Variants in MLIP observed in about 807,000 individuals in gnomAD.
The protein encoded by MLIP is muscular LMNA interacting protein, also known as muscular LMNA-interacting protein.
Under a neutral mutation model 84.8 loss-of-function variants are expected in MLIP, and 79 were observed. That is an observed-to-expected ratio of 0.93 (90% CI 0.78 to 1.12). The LOEUF is 1.12. MLIP is among the 50% of genes most tolerant of loss of function. MLIP has a pLI of 0.00. For synonymous variants in MLIP, 504 were observed against 463.0 expected (o/e 1.09, Z -1.14); for missense variants, 1,257 against 1,160.6 (o/e 1.08, Z -1.21).
At chr6:54,211,063 AC>A (rs1408415925) in intron 11 of MLIP, among the ~76,000 whole-genome samples, 2 of 151,944 alleles carry the variant, frequency 1.3e-5, no homozygotes, top group African/African-American at 2.4e-5. Context: ...ACATGGTGAA[AC>A]CCCATCTCTA....
At chr6:54,248,775 GT>G (rs1782257149) in intron 12 of MLIP, among the ~76,000 whole-genome samples, 1 of 152,006 alleles carries the variant, frequency 6.6e-6, no homozygotes, top group South Asian at 2.1e-4. Flanking sequence ...AAATTCCTAT[GT>G]TTTCTTATTA....
intron 1 of MLIP, among the ~76,000 whole-genome samples, chr6:54,026,075 T>C (rs1362089593): frequency 6.6e-6 from 1 of 152,208 alleles, no homozygotes; most frequent in East Asian, 1.9e-4. Context: ...GGAAGGCAAC[T>C]GGAGGGAATT....
chr6:54,084,291 T>C (rs537996630), intron 1 of MLIP, among the ~76,000 whole-genome samples: 32 of 152,190 alleles, frequency 2.1e-4, no homozygotes, highest in Non-Finnish European at 4.4e-4. Flanking sequence ...GTAGTGTCCC[T>C]GGAAACTATG....
chr6:54,147,881 T>C (rs568751319), intron 4 of MLIP, among the ~76,000 whole-genome samples: 1 of 152,150 alleles, frequency 6.6e-6, no homozygotes, highest in African/African-American at 2.4e-5. Flanking sequence ...TAACTCAGTA[T>C]ACCAAGAAAA....
intron 9 of MLIP, among the ~76,000 whole-genome samples, chr6:54,172,289 T>C (rs957174751): frequency 2.0e-5 from 3 of 151,674 alleles, no homozygotes; most frequent in Non-Finnish European, 4.4e-5. Flanking sequence ...GTATATAATC[T>C]ATGGATCAAG....
intron 5 of MLIP, among the ~76,000 whole-genome samples, chr6:54,154,395 A>G (rs1490890618): frequency 1.3e-5 from 2 of 152,200 alleles, no homozygotes; most frequent in African/African-American, 2.4e-5. Context: ...CTGGAGGGGA[A>G]GTAAGCTGGC....
intron 2 of MLIP, among the ~76,000 whole-genome samples, chr6:54,122,955 G>A (rs913487769): frequency 6.7e-6 from 1 of 148,858 alleles, no homozygotes; most frequent in African/African-American, 2.5e-5. Flanking sequence ...TTTTTGAGAC[G>A]GAGTCTCGCT....
chr6:54,082,233 A>G (rs768108868), intron 1 of MLIP, among the ~76,000 whole-genome samples: 1 of 152,122 alleles, frequency 6.6e-6, no homozygotes, highest in Non-Finnish European at 1.5e-5. Flanking sequence ...TTATTTATCT[A>G]TTCCTCTGTT....
chr6:54,243,794 C>A (rs1275380165), intron 12 of MLIP, among the ~76,000 whole-genome samples: 1 of 152,118 alleles, frequency 6.6e-6, no homozygotes, highest in Non-Finnish European at 1.5e-5. Flanking sequence ...TCAAACCCAG[C>A]ACCATATATG....
At chr6:54,045,702 G>A (rs1369621444) in intron 1 of MLIP, 1 of 152,036 alleles carries the variant, frequency 6.6e-6, no homozygotes, top group East Asian at 1.9e-4. Context: ...GTCCAAAAAT[G>A]TGTAGCACCT....
intron 12 of MLIP, 77 bp from the exon 13 acceptor site, chr6:54,257,231 T>C: frequency 1.0e-6 from 1 of 985,938 alleles, no homozygotes; most frequent in Non-Finnish European, 1.6e-6. Context: ...ATTGTCAATC[T>C]GTTTAAATGA....
intron 1 of MLIP, chr6:54,030,604 C>G (rs77506596): frequency 2.0e-4 from 31 of 151,616 alleles, no homozygotes; most frequent in African/African-American, 6.5e-4. Flanking sequence ...GGGTATCATA[C>G]TATATGCCTC....
At chr6:54,142,822 A>G (rs1485511121) in intron 4 of MLIP, among the ~76,000 whole-genome samples, 1 of 152,074 alleles carries the variant, frequency 6.6e-6, no homozygotes, top group Non-Finnish European at 1.5e-5. Flanking sequence ...ATAGCAGTGA[A>G]GGTGAAGATA....
intron 1 of MLIP, among the ~76,000 whole-genome samples, chr6:54,102,984 G>T (rs1214619999): frequency 6.6e-6 from 1 of 152,080 alleles, no homozygotes; most frequent in East Asian, 1.9e-4. Context: ...AAAGTGTGTT[G>T]TGTGTCAGAA....
intron 1 of MLIP, among the ~76,000 whole-genome samples, chr6:54,062,966 G>A (rs1221218537): frequency 2.0e-5 from 3 of 152,118 alleles, no homozygotes; most frequent in Non-Finnish European, 4.4e-5. Flanking sequence ...ACTTTGGGAG[G>A]CCGAGGCGGG....
At chr6:54,078,583 C>T (rs1766945141) in intron 1 of MLIP, among the ~76,000 whole-genome samples, 1 of 151,662 alleles carries the variant, frequency 6.6e-6, no homozygotes, top group African/African-American at 2.4e-5. Context: ...GACCCTGTCT[C>T]TAAAAAGAAA....
Position 54,138,076 on chromosome 6 carries a change from C to G in MLIP, c.2007C>G (p.Thr669=), listed in dbSNP as rs1208291241. The G allele has an allele frequency of 6.5e-7, 1 of 1,536,140 alleles. No homozygotes were observed. Among genetic ancestry groups the G allele is most frequent in the East Asian group, 2.4e-5 (1 of 40,906 alleles). ...CTCTCCCTCATGCCAATCTGCCCAC[C>G]CTGGTGCCCCAGCTCAGTCCCTCAG... ...SSSLPHANLP[T]LVPQLSPSAL... is the part of the protein sequence containing the mutation. The change falls in exon 4 of 14, where the codon ACC becomes ACG. Residue 669 remains threonine (T), a synonymous_variant. Transcript: ENST00000502396.
chr6:54,250,191 AT>A (rs1216495948), intron 12 of MLIP, among the ~76,000 whole-genome samples: 2 of 152,154 alleles, frequency 1.3e-5, no homozygotes, highest in African/African-American at 4.8e-5. Context: ...AATGGGTATT[AT>A]TAAAAAGTCA....
chr6:54,213,664 T>C (rs1779618140), intron 11 of MLIP, among the ~76,000 whole-genome samples: 1 of 122,764 alleles, frequency 8.1e-6, no homozygotes, highest in East Asian at 2.6e-4. Flanking sequence ...ATTGCATCAC[T>C]GCCACTTCAC....
Sources: gnomAD v4.1 joint callset for allele counts (sites outside exome capture counted in the v4.1 genomes callset) on GRCh38, gnomAD v4.1.1 for gene constraint, MANE v1.5 for transcripts, NCBI Gene and HGNC (gene_info 2026-07-23, HGNC 2026-07-21) for gene names.